Variants in TRMT44 observed in about 807,000 individuals in gnomAD.
TRMT44 encodes tRNA methyltransferase 44 homolog.
TRMT44 carries 78 observed loss-of-function variants against 77.3 expected under a neutral mutation model. The ratio of observed to expected loss-of-function variants is 1.01; its 90% CI spans 0.84 to 1.22. TRMT44 has a LOEUF of 1.22. Ranked by LOEUF, TRMT44 falls within the 50% of genes most tolerant of loss-of-function variation. TRMT44 has a pLI of 0.00. For synonymous variants in TRMT44, 391 were observed against 383.3 expected (o/e 1.02, Z -0.23); for missense variants, 1,090 against 964.4 (o/e 1.13, Z -1.73).
At chr4:8,481,181 C>G (rs963815519), downstream of TRMT44, among the ~76,000 whole-genome samples, 2 of 152,238 alleles carry the variant, frequency 1.3e-5, no homozygotes, top group Non-Finnish European at 2.9e-5. Flanking sequence ...GGTCTTCAGA[C>G]AAACTCAACC....
At chr4:8,462,332 A>G (rs948558505) in intron 6 of TRMT44, among the ~76,000 whole-genome samples, 1 of 152,084 alleles carries the variant, frequency 6.6e-6, no homozygotes, top group Non-Finnish European at 1.5e-5. Context: ...AATCTCTTGA[A>G]CCAGGGAGGC....
the TRMT44 span, among the ~76,000 whole-genome samples, chr4:8,501,203 TG>T: frequency 6.6e-6 from 1 of 152,106 alleles, no homozygotes; most frequent in South Asian, 2.1e-4. This position sits in a 1 kb window ranked among gnomAD's most constrained non-coding sequence, Gnocchi z 4.4. Context: ...GGTGATGGCT[TG>T]TGCATGTGCA....
At chr4:8,480,004 C>A (rs988512011), downstream of TRMT44, among the ~76,000 whole-genome samples, 3 of 152,104 alleles carry the variant, frequency 2.0e-5, no homozygotes, top group African/African-American at 7.2e-5. Context: ...CCTCAGCCCC[C>A]CAAGTAGCTG....
At position 8,451,727 on chromosome 4, in the gene TRMT44, C is replaced by G. The variant is rs1267366876; in HGVS notation, c.955-233C>G. Among the ~76,000 whole-genome samples the G allele has an allele frequency of 6.6e-6, 1 of 152,226 alleles. No homozygotes were observed. The highest frequency in any genetic ancestry group is 6.5e-5 in the Admixed American group (1 of 15,276). On this transcript the variant is annotated intron_variant, in intron 3 of 10. Coordinates refer to ENST00000389737, the MANE Select transcript of TRMT44 (RefSeq NM_152544.3). The surrounding 1 kb of genome is among the most constrained non-coding windows in gnomAD (Gnocchi z 4.1). ...CTCAGCTAAATGCCTTAGGTACATT[C>G]TGTTGATTGTGAAATCTTGCTTTGG...
At chr4:8,457,989 C>T (rs1357460950) in intron 6 of TRMT44, among the ~76,000 whole-genome samples, 10 of 152,146 alleles carry the variant, frequency 6.6e-5, no homozygotes, top group African/African-American at 9.7e-5. Flanking sequence ...CTACAGACGA[C>T]CTGATGGAGA....
intron 10 of TRMT44, among the ~76,000 whole-genome samples, chr4:8,474,993 A>C (rs1727282369): frequency 6.6e-6 from 1 of 152,150 alleles, no homozygotes; most frequent in African/African-American, 2.4e-5. Flanking sequence ...TCCCAGTGGC[A>C]CTTTCAGAGG....
At position 8,467,118 on chromosome 4, in the gene TRMT44, G is replaced by A. The variant is rs1000742749; in HGVS notation, c.1495-796G>A. 5.4e-4 allele frequency among the ~76,000 whole-genome samples: 82 copies of A among 152,216 alleles called. 1 individual carries two copies. Among genetic ancestry groups the A allele is most frequent in the African/African-American group, 1.9e-3 (79 of 41,452 alleles). ...GTGTGCGGCAAAGGGAGGCAAGCAC[G>A]CATGGAGCACCTCTATGGCTCCAGG... On this transcript the variant is annotated intron_variant, in intron 8 of 10. Transcript: ENST00000389737.
intron 7 of TRMT44, among the ~76,000 whole-genome samples, 174 bp from the exon 8 acceptor site, chr4:8,465,204 C>G (rs890246245): frequency 2.6e-5 from 4 of 152,154 alleles, no homozygotes; most frequent in East Asian, 1.9e-4. Context: ...ACACATACCC[C>G]CTGAAGCTGA....
At chr4:8,493,192 G>C (rs1728060209) in intron 2 of TRMT44, 1 of 152,194 alleles carries the variant, frequency 6.6e-6, no homozygotes, top group Admixed American at 6.5e-5. Context: ...AATGCAGCTG[G>C]AGGTGGCGGG....
At chr4:8,485,904 AAAG>A (rs1264245932) in intron 2 of TRMT44, among the ~76,000 whole-genome samples, 118 of 152,224 alleles carry the variant, frequency 7.8e-4, no homozygotes, top group Non-Finnish European at 2.8e-4. Flanking sequence ...AGGCCCTTGA[AAAG>A]AAGGCAACGT....
At chr4:8,480,136 G>A (rs1727567774), downstream of TRMT44, among the ~76,000 whole-genome samples, 1 of 152,164 alleles carries the variant, frequency 6.6e-6, no homozygotes, top group African/African-American at 2.4e-5. Flanking sequence ...TGGGTCTGCA[G>A]CAGCCTCAAC....
the TRMT44 span, among the ~76,000 whole-genome samples, chr4:8,511,523 A>T: frequency 1.3e-5 from 2 of 152,314 alleles, no homozygotes; most frequent in African/African-American, 4.8e-5. Flanking sequence ...TTACCCCAAA[A>T]GACACAATCC....
the TRMT44 span, among the ~76,000 whole-genome samples, chr4:8,513,656 A>G: frequency 6.6e-6 from 1 of 152,252 alleles, no homozygotes; most frequent in African/African-American, 2.4e-5. Context: ...ATTGGAACCT[A>G]GAATATATCA....
rs374542534 is a variant in TRMT44, at chr4:8,463,522, G to A, written c.1204-463G>A. On this transcript the variant is annotated intron_variant, in intron 6 of 10. Coordinates refer to ENST00000389737, the MANE Select transcript of TRMT44 (RefSeq NM_152544.3). Reference sequence around the variant, plus strand: ...AATTCTCTGTCTATTCATAGACTTGGTTTCCTAGATTGAAAGGCCTGTGAG... The same window carrying A: ...AATTCTCTGTCTATTCATAGACTTGATTTCCTAGATTGAAAGGCCTGTGAG... 1.1e-4 allele frequency among the ~76,000 whole-genome samples: 16 copies of A among 152,280 alleles called. No homozygotes were observed. The East Asian group carries it at 2.9e-3, about 28-fold the overall frequency.
downstream of TRMT44, among the ~76,000 whole-genome samples, chr4:8,494,663 C>G (rs775659770): frequency 9.2e-5 from 14 of 152,322 alleles, no homozygotes; most frequent in Admixed American, 3.9e-4. Context: ...TGCCCGACCA[C>G]CTTGAGTGCA....
chr4:8,466,578 C>A (rs77254399), intron 8 of TRMT44, among the ~76,000 whole-genome samples: 1 of 152,216 alleles, frequency 6.6e-6, no homozygotes, highest in African/African-American at 2.4e-5. Flanking sequence ...GCTGCTGAAC[C>A]GTCCCGTCAT....
At chr4:8,488,933 G>A (rs934936224) in intron 2 of TRMT44, among the ~76,000 whole-genome samples, 2 of 152,242 alleles carry the variant, frequency 1.3e-5, no homozygotes, top group African/African-American at 4.8e-5. Flanking sequence ...TCACCAGTAA[G>A]AGGAGGATGT....
the TRMT44 span, among the ~76,000 whole-genome samples, chr4:8,516,323 G>A: frequency 2.0e-5 from 3 of 152,168 alleles, no homozygotes; most frequent in Non-Finnish European, 4.4e-5. Context: ...GGCTCTGCGT[G>A]CCAAGGACAC....
the TRMT44 span, among the ~76,000 whole-genome samples, chr4:8,499,363 C>G: frequency 6.6e-6 from 1 of 152,160 alleles, no homozygotes; most frequent in Non-Finnish European, 1.5e-5. Context: ...GCAATGCTGC[C>G]AAACCGCAGC....
Sources: gnomAD v4.1 joint callset for allele counts (sites outside exome capture counted in the v4.1 genomes callset) on GRCh38, gnomAD v4.1.1 for gene constraint, Gnocchi (gnomAD v3.1) non-coding constraint, MANE v1.5 for transcripts, NCBI Gene and HGNC (gene_info 2026-07-23, HGNC 2026-07-21) for gene names.